The following UNC13C variants were observed in gnomAD, a reference collection of about 807,000 sequenced individuals.
UNC13C encodes protein unc-13 homolog C.
UNC13C carries 174 observed loss-of-function variants against 245.4 expected under a neutral mutation model. The ratio of observed to expected loss-of-function variants is 0.71; its 90% confidence interval spans 0.63 to 0.80. The LOEUF (loss-of-function observed/expected upper bound fraction) is 0.80, where lower values mean the gene tolerates loss of function less well. Among genes scored for constraint, UNC13C ranks in the 30% least tolerant of loss-of-function variants. UNC13C has a pLI of 0.00. For synonymous variants in UNC13C, 992 were observed against 895.1 expected (o/e 1.11, Z -1.93); for missense variants, 2,829 against 2,602.9 (o/e 1.09, Z -1.89).
intron 13 of UNC13C, among the ~76,000 whole-genome samples, chr15:54,301,012 G>A (rs2037565317): frequency 6.6e-6 from 1 of 152,134 alleles, no homozygotes; most frequent in Non-Finnish European, 1.5e-5. Context: ...TGAGGATTTA[G>A]AACTGAATTT....
chr15:54,315,791 C>T (rs1009939433), intron 13 of UNC13C, among the ~76,000 whole-genome samples: 2 of 151,808 alleles, frequency 1.3e-5, no homozygotes, highest in Admixed American at 6.6e-5. Flanking sequence ...AAGAACCATT[C>T]ACGTAGTCAC....
At chr15:54,371,231 C>T (rs1265945384) in intron 17 of UNC13C, among the ~76,000 whole-genome samples, 2 of 152,138 alleles carry the variant, frequency 1.3e-5, no homozygotes, top group Non-Finnish European at 2.9e-5. Context: ...TTACTCTCGG[C>T]TTCTAAGAGA....
At chr15:54,134,101 C>T (rs557701188) in intron 2 of UNC13C, among the ~76,000 whole-genome samples, 127 of 147,924 alleles carry the variant, frequency 8.6e-4, no homozygotes, top group African/African-American at 3.0e-3. Flanking sequence ...ACTATATTAA[C>T]ACATTTCGAG....
At chr15:54,552,784 T>TTATATTGTAC (rs1896870340) in intron 28 of UNC13C, among the ~76,000 whole-genome samples, 1 of 95,434 alleles carries the variant, frequency 1.0e-5, no homozygotes, top group Non-Finnish European at 1.8e-5. Context: ...ATATATAATA[T>TTATATTGTAC]AATATATAAT....
At chr15:54,302,185 T>A (rs960613179) in intron 13 of UNC13C, among the ~76,000 whole-genome samples, 2 of 152,218 alleles carry the variant, frequency 1.3e-5, no homozygotes, top group Non-Finnish European at 2.9e-5. Flanking sequence ...AGATTCTCGA[T>A]ATTAGCCCTT....
At chr15:54,225,305 T>A (rs1279266437) in intron 4 of UNC13C, among the ~76,000 whole-genome samples, 5 of 152,214 alleles carry the variant, frequency 3.3e-5, no homozygotes, top group Non-Finnish European at 7.3e-5. Context: ...TCTTTTTTGG[T>A]TCCATATAAA....
At chr15:54,431,411 G>T (rs2040869972) in intron 19 of UNC13C, among the ~76,000 whole-genome samples, 1 of 151,346 alleles carries the variant, frequency 6.6e-6, no homozygotes, top group Non-Finnish European at 1.5e-5. Flanking sequence ...TAAATATTTG[G>T]AATGTCTAAT....
intron 2 of UNC13C, among the ~76,000 whole-genome samples, chr15:54,109,361 T>C (rs1360523485): frequency 1.4e-5 from 1 of 71,804 alleles, no homozygotes; most frequent in Admixed American, 1.6e-4. Context: ...TTTTTTTTTT[T>C]TTGACAGTCT....
chr15:54,184,436 G>C (rs2033903931), intron 4 of UNC13C, among the ~76,000 whole-genome samples: 1 of 151,792 alleles, frequency 6.6e-6, no homozygotes, highest in Admixed American at 6.6e-5. Flanking sequence ...CCCCACAACA[G>C]TCCCCGGTGT....
chr15:54,457,908 T>G (rs201383076), intron 19 of UNC13C, among the ~76,000 whole-genome samples: 1 of 133,968 alleles, frequency 7.5e-6, no homozygotes, highest in South Asian at 2.4e-4. Context: ...TTTTTTTTCC[T>G]TTTTTTTTTC....
chr15:54,144,585 T>G (rs2032172917), intron 4 of UNC13C, among the ~76,000 whole-genome samples: 1 of 152,184 alleles, frequency 6.6e-6, no homozygotes, highest in Admixed American at 6.5e-5. Context: ...TCAAGCTCAG[T>G]TAATCCAATT....
At chr15:54,448,557 T>C in intron 19 of UNC13C, among the ~76,000 whole-genome samples, 1 of 152,194 alleles carries the variant, frequency 6.6e-6, no homozygotes, top group East Asian at 1.9e-4. Context: ...TTGATCTTTG[T>C]TGGTTTAAAG....
the UNC13C span, among the ~76,000 whole-genome samples, chr15:53,938,731 T>G: frequency 4.7e-4 from 71 of 152,278 alleles, no homozygotes; most frequent in African/African-American, 1.7e-3. Flanking sequence ...ACATGGAAAT[T>G]GAGCAATCTG....
At chr15:53,962,436 G>A in the UNC13C span, among the ~76,000 whole-genome samples, 1 of 152,044 alleles carries the variant, frequency 6.6e-6, no homozygotes, top group East Asian at 1.9e-4. Flanking sequence ...TTTCTTTCAA[G>A]TATATTATTT....
chr15:54,400,545 A>G (rs2040160240), intron 18 of UNC13C, among the ~76,000 whole-genome samples: 1 of 152,140 alleles, frequency 6.6e-6, no homozygotes, highest in African/African-American at 2.4e-5. Flanking sequence ...AGAACACTTC[A>G]TAAGTGACTG....
chr15:54,457,205 A>G (rs147398870), intron 19 of UNC13C, among the ~76,000 whole-genome samples: 118 of 151,078 alleles, frequency 7.8e-4, no homozygotes, highest in African/African-American at 2.8e-3. Context: ...TGTTAAACCA[A>G]CCCTCCATCC....
intron 4 of UNC13C, among the ~76,000 whole-genome samples, chr15:54,155,689 G>A (rs1173594314): frequency 6.6e-6 from 1 of 152,162 alleles, no homozygotes; most frequent in African/African-American, 2.4e-5. Context: ...ATGGGATAAA[G>A]AGTAATGTAC....
intron 1 of UNC13C, among the ~76,000 whole-genome samples, chr15:54,004,924 G>A (rs1354389446): frequency 2.0e-5 from 3 of 152,132 alleles, no homozygotes; most frequent in Non-Finnish European, 4.4e-5. Context: ...TGTCGGATGG[G>A]TAGTTTGCAA....
intron 2 of UNC13C, among the ~76,000 whole-genome samples, chr15:54,126,967 C>T (rs2031086503): frequency 2.0e-5 from 3 of 152,182 alleles, no homozygotes; most frequent in Admixed American, 1.3e-4. Context: ...CTCATAATCA[C>T]TAGTCATTAG....
Sources: allele counts gnomAD v4.1 joint callset (sites outside exome capture counted in the v4.1 genomes callset), GRCh38; gene constraint gnomAD v4.1.1; transcripts MANE v1.5; gene names NCBI Gene and HGNC (gene_info 2026-07-23, HGNC 2026-07-21).